The following RAB3C variants were observed in gnomAD, a reference collection of about 807,000 sequenced individuals.
RAB3C encodes RAB3C, member RAS oncogene family, also known as ras-related protein Rab-3C.
A neutral mutation model predicts 26.4 loss-of-function variants in RAB3C; 17 were observed. That is an observed-to-expected ratio of 0.64 (90% CI 0.44 to 0.97). RAB3C has a LOEUF of 0.97. Among genes scored for constraint, RAB3C ranks in the 50% least tolerant of loss-of-function variants. The pLI, the probability that RAB3C is intolerant of heterozygous loss-of-function variation, is 0.00. For missense variants in RAB3C, 242 were observed against 281.9 expected, an observed-to-expected ratio of 0.86 and a Z score of 1.01; for synonymous variants, 91 against 95.9, an observed-to-expected ratio of 0.95 and a Z score of 0.30.
At chr5:58,663,979 A>G (rs1294361467) in intron 2 of RAB3C, among the ~76,000 whole-genome samples, 3 of 152,162 alleles carry the variant, frequency 2.0e-5, no homozygotes, top group Non-Finnish European at 2.9e-5. Flanking sequence ...TTTTAGAATA[A>G]CGAGATGAAT....
intron 1 of RAB3C, among the ~76,000 whole-genome samples, chr5:58,595,534 A>G (rs761265317): frequency 9.2e-5 from 14 of 152,132 alleles, no homozygotes. Flanking sequence ...TTGACCACAT[A>G]TATGTGTCCT....
intron 2 of RAB3C, among the ~76,000 whole-genome samples, chr5:58,722,318 C>T (rs1252468685): frequency 6.6e-6 from 1 of 151,316 alleles, no homozygotes; most frequent in Non-Finnish European, 1.5e-5. Flanking sequence ...TTTGTTTTCC[C>T]CTACTGAGAA....
At chr5:58,786,729 G>A (rs947736096) in intron 3 of RAB3C, among the ~76,000 whole-genome samples, 7 of 151,982 alleles carry the variant, frequency 4.6e-5, no homozygotes, top group Admixed American at 1.3e-4. Context: ...GGGAAAAAGG[G>A]AACAGACCCA....
chr5:58,612,536 A>ATG (rs1561266430), intron 1 of RAB3C, among the ~76,000 whole-genome samples: 9 of 96,484 alleles, frequency 9.3e-5, no homozygotes, highest in South Asian at 6.8e-4. Context: ...ATATATATAT[A>ATG]TATATATATA....
chr5:58,771,027 A>T (rs1742020443), intron 3 of RAB3C, among the ~76,000 whole-genome samples: 1 of 152,202 alleles, frequency 6.6e-6, no homozygotes, highest in South Asian at 2.1e-4. Flanking sequence ...CTATATTTGT[A>T]ATTTGGCCCA....
At chr5:58,727,321 C>T (rs1740913866) in intron 3 of RAB3C, among the ~76,000 whole-genome samples, 1 of 151,694 alleles carries the variant, frequency 6.6e-6, no homozygotes, top group Admixed American at 6.6e-5. Flanking sequence ...ATACCATTGG[C>T]AATAGCAATT....
At chr5:58,709,495 A>G (rs954595386) in intron 2 of RAB3C, among the ~76,000 whole-genome samples, 7 of 152,198 alleles carry the variant, frequency 4.6e-5, no homozygotes, top group South Asian at 2.1e-4. Context: ...GTTCTCCCCA[A>G]TAAATTCCAG....
At chr5:58,679,903 G>A (rs1032723088) in intron 2 of RAB3C, among the ~76,000 whole-genome samples, 1 of 152,146 alleles carries the variant, frequency 6.6e-6, no homozygotes, top group African/African-American at 2.4e-5. Context: ...TTTTCAGTGC[G>A]GAAATGTGTG....
intron 3 of RAB3C, among the ~76,000 whole-genome samples, chr5:58,782,104 A>T (rs890639398): frequency 6.6e-5 from 10 of 152,098 alleles, no homozygotes; most frequent in Admixed American, 4.6e-4. Context: ...TTTACCCCTT[A>T]TCCCCATGAC....
At chr5:58,720,456 T>G (rs1211890293) in intron 2 of RAB3C, among the ~76,000 whole-genome samples, 1 of 151,908 alleles carries the variant, frequency 6.6e-6, no homozygotes, top group Non-Finnish European at 1.5e-5. Context: ...CAAAACATTT[T>G]CTTTGGGCAA....
At chr5:58,684,195 A>G (rs971998910) in intron 2 of RAB3C, among the ~76,000 whole-genome samples, 1 of 152,234 alleles carries the variant, frequency 6.6e-6, no homozygotes, top group Non-Finnish European at 1.5e-5. Flanking sequence ...TGTATTAGGT[A>G]TTATAAGTAA....
intron 3 of RAB3C, among the ~76,000 whole-genome samples, chr5:58,812,926 T>C (rs779468174): frequency 1.2e-4 from 18 of 152,266 alleles, no homozygotes; most frequent in Middle Eastern, 6.8e-3. Context: ...TTTCCTCTCA[T>C]AGAAGAGGAA....
chr5:58,681,122 C>T (rs114896405), intron 2 of RAB3C, among the ~76,000 whole-genome samples: 2,330 of 152,204 alleles, frequency 0.015, 41 homozygotes, highest in Non-Finnish European at 0.022. Context: ...TATATCAAGG[C>T]TTGTTTCTAA....
At chr5:58,642,203 T>C (rs1243458812) in intron 2 of RAB3C, among the ~76,000 whole-genome samples, 1 of 152,254 alleles carries the variant, frequency 6.6e-6, no homozygotes, top group Non-Finnish European at 1.5e-5. Context: ...TACTGAACTA[T>C]AGAACTCTAG....
intron 3 of RAB3C, among the ~76,000 whole-genome samples, chr5:58,742,618 A>G (rs1741300435): frequency 6.6e-6 from 1 of 152,224 alleles, no homozygotes; most frequent in Non-Finnish European, 1.5e-5. Flanking sequence ...ATGCTTTGTT[A>G]TCATTTAAAT....
At chr5:58,757,751 CTCA>C (rs1257724100) in intron 3 of RAB3C, among the ~76,000 whole-genome samples, 7 of 152,170 alleles carry the variant, frequency 4.6e-5, no homozygotes, top group African/African-American at 1.7e-4. Flanking sequence ...TATCTAGTTT[CTCA>C]TCAAGATTTC....
intron 3 of RAB3C, among the ~76,000 whole-genome samples, chr5:58,736,733 CAA>C (rs1420535657): frequency 6.6e-6 from 1 of 152,156 alleles, no homozygotes; most frequent in Non-Finnish European, 1.5e-5. Context: ...ACTTCATCTG[CAA>C]AGACTATTTC....
At chr5:58,732,398 T>A (rs1161908851) in intron 3 of RAB3C, among the ~76,000 whole-genome samples, 2 of 152,000 alleles carry the variant, frequency 1.3e-5, no homozygotes, top group African/African-American at 2.4e-5. Context: ...TCAAAACAGT[T>A]TTTGTTGAAT....
At chr5:58,818,900 A>G (rs1470016835) in intron 3 of RAB3C, among the ~76,000 whole-genome samples, 1 of 152,158 alleles carries the variant, frequency 6.6e-6, no homozygotes, top group Non-Finnish European at 1.5e-5. Flanking sequence ...TTCAACAAAC[A>G]TTTGTCATAC....
Sources: gnomAD v4.1 joint callset for allele counts (sites outside exome capture counted in the v4.1 genomes callset) on GRCh38, gnomAD v4.1.1 for gene constraint, MANE v1.5 for transcripts, NCBI Gene and HGNC (gene_info 2026-07-23, HGNC 2026-07-21) for gene names.